The following WDR7 variants were observed in gnomAD, a reference collection of about 807,000 sequenced individuals.
The protein encoded by WDR7 is WD repeat-containing protein 7.
WDR7 carries 46 observed loss-of-function variants against 169.4 expected under a neutral mutation model. The observed-to-expected ratio is 0.27, with a 90% confidence interval of 0.21 to 0.35. The LOEUF is 0.35. WDR7 is among the 10% of genes least tolerant of loss of function. The pLI is 1.00. For synonymous variants in WDR7, 612 were observed against 666.8 expected, an observed-to-expected ratio of 0.92 and a Z score of 1.27; for missense variants, 1,534 against 1,859.3, an observed-to-expected ratio of 0.83 and a Z score of 3.22.
chr18:56,814,183 A>G (rs1194616123), intron 19 of WDR7, among the ~76,000 whole-genome samples: 1 of 152,178 alleles, frequency 6.6e-6, no homozygotes, highest in Non-Finnish European at 1.5e-5. Flanking sequence ...ATAAATGTAA[A>G]TGGATCCATA....
chr18:56,927,547 A>C (rs929099411), intron 22 of WDR7, among the ~76,000 whole-genome samples: 7 of 152,084 alleles, frequency 4.6e-5, no homozygotes, highest in African/African-American at 1.7e-4. Context: ...CAAGAAGTTC[A>C]AGGTTGCAGT....
At chr18:56,904,974 GTAGA>G (rs2046456965) in intron 21 of WDR7, among the ~76,000 whole-genome samples, 1 of 152,140 alleles carries the variant, frequency 6.6e-6, no homozygotes, top group African/African-American at 2.4e-5. Context: ...TAAGAAGAAA[GTAGA>G]TAGATAGTCT....
Position 56,692,431 on chromosome 18 carries a change from G to GTTTTTTTTTTTTTTTTTTTTT in WDR7, c.966+622_966+623insTTTTTTTTTTTTTTTTTTTTT, listed in dbSNP as rs202055251. ...AAGAAGCTTTGGCTTTGAAAGCAGAGTTTTTTTTGTTTTTTTTTTTTTTAA... is the reference window on the plus strand; with the variant it reads ...AAGAAGCTTTGGCTTTGAAAGCAGAGTTTTTTTTTTTTTTTTTTTTTTTTTTTTTGTTTTTTTTTTTTTTAA... On this transcript the variant is annotated intron_variant, in intron 9 of 27. Transcript: ENST00000254442. Among the ~76,000 whole-genome samples the GTTTTTTTTTTTTTTTTTTTTT allele has an allele frequency of 3.2e-5, 2 of 61,794 alleles. 1 individual carries two copies. The highest frequency in any genetic ancestry group is 7.4e-5 in the Non-Finnish European group (2 of 27,000). The allele number at this position is 61,794 out of a possible 152,430, so 40.5% of individuals were successfully genotyped here.
chr18:56,698,154 C>CCTT (rs2025744734), intron 12 of WDR7, among the ~76,000 whole-genome samples: 2 of 151,482 alleles, frequency 1.3e-5, no homozygotes, highest in African/African-American at 4.9e-5. Context: ...GAGATCGTAC[C>CCTT]CTTGCACTCC....
chr18:56,830,927 G>C (rs1467177248), intron 20 of WDR7, among the ~76,000 whole-genome samples: 3 of 152,122 alleles, frequency 2.0e-5, no homozygotes, highest in Non-Finnish European at 4.4e-5. Flanking sequence ...GGCTGGTCTT[G>C]AACTCCTGAC....
chr18:56,871,709 C>T (rs969553030), intron 20 of WDR7, among the ~76,000 whole-genome samples: 10 of 151,734 alleles, frequency 6.6e-5, no homozygotes, highest in East Asian at 3.9e-4. Flanking sequence ...TTGTGAATTT[C>T]GTTTGGACTC....
chr18:56,796,231 C>T (rs925561419), intron 19 of WDR7, among the ~76,000 whole-genome samples: 3 of 152,192 alleles, frequency 2.0e-5, no homozygotes, highest in Non-Finnish European at 4.4e-5. Context: ...GCCTCATCTT[C>T]AGGCAACTAA....
Position 56,757,136 on chromosome 18 carries a change from T to C in WDR7, c.2543T>C (p.Leu848Pro). 6.2e-7 allele frequency: 1 copy of C among 1,614,086 alleles called. No homozygotes were observed. Among genetic ancestry groups the C allele is most frequent in the Non-Finnish European group, 8.5e-7 (1 of 1,180,002 alleles). Residue 848 changes from leucine (L) to proline (P), a missense_variant, in exon 15 of 28, where the codon CTG becomes CCG. Leu to Pro is a moderately conservative substitution (Grantham distance 98, BLOSUM62 -3). Transcript: ENST00000254442. ...LSRGGHMSLM[L>P]PGYNQPACKL... ...AGAGGAGGCCATATGTCACTGATGC[T>C]GCCGGGTTATAATCAGCCTGCTTGT...
At chr18:56,887,898 C>T (rs2046217431) in intron 21 of WDR7, among the ~76,000 whole-genome samples, 1 of 152,098 alleles carries the variant, frequency 6.6e-6, no homozygotes, top group Non-Finnish European at 1.5e-5. Flanking sequence ...TGTTAACCTG[C>T]TGGAAGCTGT....
intron 5 of WDR7, among the ~76,000 whole-genome samples, chr18:56,685,678 A>AGTAATCAAGAACATTTGAAATTATAG (rs1212356077): frequency 6.6e-6 from 1 of 152,242 alleles, no homozygotes. Context: ...TTGTTAACAT[A>AGTAATCAAGAACATTTGAAATTATAG]GTAATCAAGA....
intron 20 of WDR7, among the ~76,000 whole-genome samples, chr18:56,832,315 T>G (rs1426413487): frequency 6.6e-6 from 1 of 152,194 alleles, no homozygotes; most frequent in Non-Finnish European, 1.5e-5. Flanking sequence ...GCAGGGCATC[T>G]CTGAAAGAAA....
At chr18:56,838,710 AC>A (rs1215031496) in intron 20 of WDR7, among the ~76,000 whole-genome samples, 1 of 152,198 alleles carries the variant, frequency 6.6e-6, no homozygotes, top group Non-Finnish European at 1.5e-5. Context: ...TGGAATTAGA[AC>A]TGAGTGATGT....
chr18:56,736,748 G>C (rs1053125641), intron 14 of WDR7, among the ~76,000 whole-genome samples: 10 of 152,068 alleles, frequency 6.6e-5, no homozygotes, highest in African/African-American at 2.4e-4. Flanking sequence ...CTGAGTATAA[G>C]AAGTGGAGGT....
downstream of WDR7, chr18:57,032,801 T>TTTTA (rs1555649878): frequency 1.9e-5 from 2 of 106,192 alleles, no homozygotes; most frequent in Admixed American, 9.9e-5. Context: ...TATAATTATT[T>TTTTA]TATATATATA....
chr18:56,752,924 G>A (rs549349873), intron 14 of WDR7, among the ~76,000 whole-genome samples: 97 of 152,324 alleles, frequency 6.4e-4, no homozygotes, highest in Middle Eastern at 3.4e-3. Flanking sequence ...AAATACAAAT[G>A]TCTGAAACTA....
intron 26 of WDR7, among the ~76,000 whole-genome samples, chr18:57,015,265 G>A (rs183300710): frequency 3.0e-4 from 46 of 152,312 alleles, no homozygotes; most frequent in Admixed American, 2.0e-3. Flanking sequence ...TTAGTTCATC[G>A]TGATAATTAA....
At position 56,756,611 on chromosome 18, in the gene WDR7, C is replaced by G; in HGVS notation, c.2018C>G (p.Ser673Cys). 1 of 1,608,488 alleles carries G rather than the reference C, an allele frequency of 6.2e-7. No individual in the cohort carries two copies. The highest frequency in any genetic ancestry group is 8.5e-7 in the Non-Finnish European group (1 of 1,178,056). ...KGNLPKYSHN[S>C]LMVQAIKTNL... ...AATTTACCTAAATATTCTCATAACT[C>G]CCTGATGGTTCAAGCAATAAAGACA... The change falls in exon 15 of 28, where the codon TCC (serine) becomes TGC (cysteine). Residue 673 changes from serine (S) to cysteine (C), a missense_variant. Ser to Cys is a moderately radical substitution (Grantham distance 112). Coordinates refer to ENST00000254442, the MANE Select transcript of WDR7 (RefSeq NM_015285.3).
intron 21 of WDR7, among the ~76,000 whole-genome samples, chr18:56,906,544 CTTTTT>C (rs71171005): frequency 8.4e-6 from 1 of 119,454 alleles, no homozygotes. Flanking sequence ...TTCTTTCCTT[CTTTTT>C]TTTTTTTTTT....
chr18:56,699,061 A>G (rs745653329), intron 12 of WDR7, among the ~76,000 whole-genome samples: 28 of 152,340 alleles, frequency 1.8e-4, no homozygotes, highest in Admixed American at 9.1e-4. Context: ...AATTATAAAA[A>G]GGAAAAAAAA....
Sources: allele counts gnomAD v4.1 joint callset (sites outside exome capture counted in the v4.1 genomes callset), GRCh38; gene constraint gnomAD v4.1.1; transcripts MANE v1.5; gene names NCBI Gene and HGNC (gene_info 2026-07-23, HGNC 2026-07-21).